Variants in ANKHD1 observed in about 807,000 individuals in gnomAD.
The protein encoded by ANKHD1 is ankyrin repeat and KH domain containing 1.
ANKHD1 carries 31 observed loss-of-function variants against 230.5 expected under a neutral mutation model. The observed-to-expected ratio is 0.13, with a 90% confidence interval of 0.10 to 0.18. ANKHD1 has a LOEUF of 0.18. ANKHD1 is among the 10% of genes least tolerant of loss of function. ANKHD1 has a pLI of 1.00. For missense variants in ANKHD1, 2,256 were observed against 3,071.3 expected (o/e 0.73, Z 6.27); for synonymous variants, 1,074 against 1,117.6 (o/e 0.96, Z 0.78).
Position 140,408,726 on chromosome 5 carries a change from G to A in ANKHD1, c.306+6453G>A, listed in dbSNP as rs116158741. ...ACCGTTATGTGTTTTGAGAGATGGG[G>A]GTCTCGCTTTTTTGCCCAGGCTGGC... On this transcript the variant is annotated intron_variant, in intron 1 of 33. Coordinates refer to ENST00000360839, the MANE Select transcript of ANKHD1 (RefSeq NM_017747.3). 4.5e-3 allele frequency among the ~76,000 whole-genome samples: 678 copies of A among 152,052 alleles called. 4 individuals carry two copies. Among genetic ancestry groups the A allele is most frequent in the Non-Finnish European group, 4.8e-3 (327 of 67,996 alleles).
intron 1 of ANKHD1, among the ~76,000 whole-genome samples, chr5:140,404,951 T>C (rs1770298508): frequency 6.8e-6 from 1 of 146,244 alleles, no homozygotes; most frequent in South Asian, 2.2e-4. Context: ...CTCTCTCTCT[T>C]TCTGACTGTG....
At chr5:140,501,851 A>G (rs1400813936) in intron 15 of ANKHD1, among the ~76,000 whole-genome samples, 1 of 152,106 alleles carries the variant, frequency 6.6e-6, no homozygotes, top group Non-Finnish European at 1.5e-5. Context: ...ACTTTCTTCA[A>G]CTTCATAAAA....
intron 14 of ANKHD1, among the ~76,000 whole-genome samples, chr5:140,491,157 T>G (rs1416405519): frequency 1.0e-5 from 1 of 98,660 alleles, no homozygotes; most frequent in Non-Finnish European, 2.0e-5. Flanking sequence ...TATATATATA[T>G]ATATTTTTTT....
chr5:140,535,640 T>TC (rs1284974357), intron 30 of ANKHD1, 102 bp downstream of exon 30: 70 of 1,375,402 alleles, frequency 5.1e-5, no homozygotes, highest in Admixed American at 6.6e-5. Flanking sequence ...AACTAAGTGG[T>TC]ATACAGATGC....
intron 15 of ANKHD1, among the ~76,000 whole-genome samples, chr5:140,498,670 T>C (rs960230627): frequency 5.3e-5 from 8 of 152,290 alleles, no homozygotes; most frequent in Non-Finnish European, 1.2e-4. Flanking sequence ...ATTCTAATTT[T>C]AATCTGGGTA....
intron 10 of ANKHD1, among the ~76,000 whole-genome samples, chr5:140,466,480 T>A (rs1322403231): frequency 6.6e-6 from 1 of 152,154 alleles, no homozygotes; most frequent in Non-Finnish European, 1.5e-5. Flanking sequence ...CCATACTGAT[T>A]GTGACCAAGT....
intron 4 of ANKHD1, 87 bp from the exon 5 acceptor site, chr5:140,440,908 A>G (rs1773800084): frequency 1.5e-6 from 2 of 1,350,946 alleles, no homozygotes; most frequent in East Asian, 2.8e-5. Flanking sequence ...TTCTAGAAGA[A>G]TATCTTCAGA....
rs767300331 is a variant in ANKHD1, at chr5:140,507,920, C to T, written c.3687C>T (p.Thr1229=). 1 of 1,614,016 alleles carries T rather than the reference C, an allele frequency of 6.2e-7. No homozygotes were observed. The highest frequency in any genetic ancestry group is 8.5e-7 in the Non-Finnish European group (1 of 1,179,952). ...QIETNRNTAL[T]LACFQGRAEV... ...AGACCAATCGGAACACGGCTCTCACCCTGGCCTGTTTCCAGGGCCGAGCAG... is the reference window on the plus strand; with the variant it reads ...AGACCAATCGGAACACGGCTCTCACTCTGGCCTGTTTCCAGGGCCGAGCAG... The change falls in exon 20 of 34, where the codon ACC becomes ACT. Residue 1229 remains threonine, a synonymous_variant. Coordinates refer to ENST00000360839, the MANE Select transcript of ANKHD1 (RefSeq NM_017747.3). The surrounding 1 kb of genome is among the most constrained non-coding windows in gnomAD (Gnocchi z 4.1).
At chr5:140,454,930 G>A (rs1219563603) in intron 7 of ANKHD1, among the ~76,000 whole-genome samples, 1 of 152,108 alleles carries the variant, frequency 6.6e-6, no homozygotes, top group East Asian at 1.9e-4. Flanking sequence ...TCCAGGAGCT[G>A]GTTTTTTGAA....
intron 24 of ANKHD1, among the ~76,000 whole-genome samples, chr5:140,518,411 A>G (rs1317913800): frequency 4.6e-5 from 7 of 151,980 alleles, no homozygotes; most frequent in Admixed American, 4.6e-4. Flanking sequence ...CAATAGAAAA[A>G]GAGGGAATCC....
chr5:140,477,093 A>G (rs939283977), intron 10 of ANKHD1, among the ~76,000 whole-genome samples: 1 of 152,242 alleles, frequency 6.6e-6, no homozygotes, highest in Non-Finnish European at 1.5e-5. Flanking sequence ...AACCTAAAGC[A>G]AAGTGATGAG....
Position 140,401,864 on chromosome 5 carries a change from G to A in ANKHD1, c.-104G>A. On this transcript the variant is annotated 5_prime_UTR_variant, in exon 1 of 34. Transcript: ENST00000360839. ...AAGTTAGTGGCGCTGCTGGGACGGG[G>A]GAAAGGAGACGCTTCTTCCTCTTGC... The A allele has an allele frequency of 7.0e-7, 1 of 1,428,510 alleles. No homozygotes were observed. The highest frequency in any genetic ancestry group is 1.5e-5 in the South Asian group (1 of 65,272). The allele number at this position is 1,428,510 out of a possible 1,614,324, so 88.5% of individuals were successfully genotyped here. A position where few individuals can be genotyped will look rare whatever the true frequency, so the allele number is the denominator to read the frequency against.
At chr5:140,420,979 A>G (rs889184952) in intron 1 of ANKHD1, among the ~76,000 whole-genome samples, 3 of 152,208 alleles carry the variant, frequency 2.0e-5, no homozygotes, top group Non-Finnish European at 2.9e-5. Context: ...ACCTTTCTAT[A>G]TGCTGTAGGT....
At chr5:140,442,987 G>A (rs1419046720) in intron 5 of ANKHD1, among the ~76,000 whole-genome samples, 1 of 151,490 alleles carries the variant, frequency 6.6e-6, no homozygotes, top group Non-Finnish European at 1.5e-5. Flanking sequence ...CTCACTGCAA[G>A]CTCTGCCTTC....
At chr5:140,475,327 T>C (rs1750902632) in intron 10 of ANKHD1, among the ~76,000 whole-genome samples, 1 of 152,112 alleles carries the variant, frequency 6.6e-6, no homozygotes, top group Non-Finnish European at 1.5e-5. Context: ...GCTAAAAAAA[T>C]ACACAATGGG....
In ANKHD1 at chr5:140,537,407, C is replaced by T. The variant is rs757654843; in HGVS notation, c.7046C>T (p.Thr2349Met). The T allele has an allele frequency of 1.1e-5, 17 of 1,614,144 alleles. No individual in the cohort carries two copies. Among genetic ancestry groups the T allele is most frequent in the East Asian group, 2.2e-5 (1 of 44,882 alleles). The part of the protein sequence containing the change: ...ASNSSTSAPP[T>M]LGQPKGVSAS... ...CTTTCAGCCACTTCTGCCCCACCAACGTTGGGCCAACCAAAAGGAGTCAGT... is the reference window on the plus strand; with the variant it reads ...CTTTCAGCCACTTCTGCCCCACCAATGTTGGGCCAACCAAAAGGAGTCAGT... Residue 2349 changes from threonine (T) to methionine (M), a missense_variant, in exon 31 of 34, where the codon ACG becomes ATG. By Grantham distance (81) the Thr-to-Met change is moderately conservative (BLOSUM62 -1). Around this residue, in one of 13 missense-constraint regions of ANKHD1, gnomAD observed 778 missense variants for 966.5 expected, o/e 0.80. Coordinates refer to ENST00000360839, the MANE Select transcript of ANKHD1 (RefSeq NM_017747.3).
At chr5:140,468,237 C>T (rs1183028133) in intron 10 of ANKHD1, among the ~76,000 whole-genome samples, 1 of 146,032 alleles carries the variant, frequency 6.8e-6, no homozygotes, top group Non-Finnish European at 1.5e-5. Flanking sequence ...AAAATCCAGC[C>T]TGGGTGACAG....
intron 7 of ANKHD1, among the ~76,000 whole-genome samples, chr5:140,455,652 C>CA (rs1227518714): frequency 6.6e-6 from 1 of 152,160 alleles, no homozygotes; most frequent in African/African-American, 2.4e-5. Context: ...AGTCCTTTGA[C>CA]AAAATTCAAC....
intron 29 of ANKHD1, among the ~76,000 whole-genome samples, chr5:140,530,538 C>T (rs1753767808): frequency 6.6e-6 from 1 of 152,096 alleles, no homozygotes; most frequent in African/African-American, 2.4e-5. Flanking sequence ...TTGAAGAGAC[C>T]CAGTCATTTA....
Sources: allele counts gnomAD v4.1 joint callset (sites outside exome capture counted in the v4.1 genomes callset), GRCh38; gene constraint gnomAD v4.1.1; regional missense constraint gnomAD v4.1.1; non-coding constraint Gnocchi (gnomAD v3.1); transcripts MANE v1.5; gene names NCBI Gene and HGNC (gene_info 2026-07-23, HGNC 2026-07-21).